The following CDH23 variants were observed in gnomAD, a reference collection of about 807,000 sequenced individuals.
CDH23 encodes cadherin-23.
Under a neutral mutation model 317.1 loss-of-function variants are expected in CDH23, and 189 were observed. The ratio of observed to expected loss-of-function variants is 0.60; its 90% CI spans 0.53 to 0.67. The LOEUF (loss-of-function observed/expected upper bound fraction) is 0.67. Ranked by LOEUF, CDH23 falls within the 30% of genes least tolerant of loss-of-function variation. The probability of loss-of-function intolerance (pLI) is 0.00; values close to 1 mark genes in which losing one functional copy is unlikely to be tolerated. For synonymous variants in CDH23, 1,839 were observed against 1,876.8 expected (o/e 0.98, Z 0.52); for missense variants, 4,401 against 4,592.4 (o/e 0.96, Z 1.20).
Position 71,803,349 on chromosome 10 carries a change from G to T in CDH23, c.7801G>T (p.Val2601Phe). Residue 2601 changes from valine (V) to phenylalanine (F), a missense_variant, in exon 55 of 70, where the codon GTC becomes TTC. This residue lies in a region of CDH23 where 1,144 missense variants were observed against 1,138.2 expected (regional missense o/e 1.01). Coordinates refer to ENST00000224721, the MANE Select transcript of CDH23 (RefSeq NM_022124.6). ...GGGCACCACCATGCTCCTGGTGGAGGTCATCGACGTCAATGACAACCGCCC... is the reference window on the plus strand; with the variant it reads ...GGGCACCACCATGCTCCTGGTGGAGTTCATCGACGTCAATGACAACCGCCC... The part of the protein sequence containing the change: ...LWGTTMLLVE[V>F]IDVNDNRPVF... 2 of 1,597,900 alleles carry T rather than the reference G, an allele frequency of 1.3e-6. No homozygotes were observed. Among genetic ancestry groups the T allele is most frequent in the Non-Finnish European group, 1.7e-6 (2 of 1,172,630 alleles).
At chr10:71,811,081 C>CA (rs35466313) in intron 62 of CDH23, among the ~76,000 whole-genome samples, 1,760 of 66,528 alleles carry the variant, frequency 0.026, 64 homozygotes, top group African/African-American at 0.069. Context: ...GACTCCATCT[C>CA]AAAAAAAAAA....
intron 20 of CDH23, among the ~76,000 whole-genome samples, chr10:71,693,539 A>G (rs1268402054): frequency 3.3e-5 from 5 of 152,256 alleles, no homozygotes; most frequent in Non-Finnish European, 7.3e-5. Context: ...TGAACTGTCC[A>G]GTAATGAGTC....
At chr10:71,604,316 TAA>T (rs1414804054) in intron 9 of CDH23, among the ~76,000 whole-genome samples, 1 of 152,084 alleles carries the variant, frequency 6.6e-6, no homozygotes. Context: ...TTTTAAAAGC[TAA>T]GAGTGGAATA....
chr10:71,540,122 A>C (rs920298104), intron 6 of CDH23, among the ~76,000 whole-genome samples: 2 of 152,192 alleles, frequency 1.3e-5, no homozygotes, highest in African/African-American at 4.8e-5. Context: ...GGCATAGGCC[A>C]TCTCAGATGT....
intron 3 of CDH23, among the ~76,000 whole-genome samples, chr10:71,475,889 T>A (rs1166429829): frequency 6.6e-6 from 1 of 152,010 alleles, no homozygotes; most frequent in Non-Finnish European, 1.5e-5. Context: ...GGGCCTGGGG[T>A]TATCTCTGGC....
At chr10:71,612,082 CATCTCACTGAGT>C (rs1860930470) in intron 9 of CDH23, among the ~76,000 whole-genome samples, 1 of 152,166 alleles carries the variant, frequency 6.6e-6, no homozygotes, top group Admixed American at 6.5e-5. Context: ...TCTTACCGAG[CATCTCACTGAGT>C]CAGTCCTCTC....
chr10:71,515,642 T>G (rs1854295902), intron 6 of CDH23, among the ~76,000 whole-genome samples: 2 of 152,170 alleles, frequency 1.3e-5, no homozygotes, highest in Non-Finnish European at 2.9e-5. Context: ...ATTTCCCAAC[T>G]GTGTGACTTT....
At chr10:71,533,253 T>G (rs1855503270) in intron 6 of CDH23, among the ~76,000 whole-genome samples, 1 of 151,794 alleles carries the variant, frequency 6.6e-6, no homozygotes, top group African/African-American at 2.4e-5. Context: ...TCAGTTGACT[T>G]TGAGTGTCAC....
In CDH23 at chr10:71,807,989, G is replaced by A. The variant is rs1220739673; in HGVS notation, c.8704G>A (p.Gly2902Ser). The change falls in exon 60 of 70, where the codon GGC becomes AGC. Residue 2902 changes from glycine to serine, a missense_variant. This residue lies in a region of CDH23 where 1,144 missense variants were observed against 1,138.2 expected (regional missense o/e 1.01). Coordinates refer to ENST00000224721, the MANE Select transcript of CDH23 (RefSeq NM_022124.6). ...RALANDSEDV[G>S]QVFTMGSMDG... ...CCTTGCCAACGACTCTGAAGATGTG[G>A]GCCAGGTCTTCACCATGGGTAGGGC... 1.9e-5 allele frequency: 30 copies of A among 1,591,112 alleles called. No homozygotes were observed. The East Asian group carries it at 5.7e-4, about 30-fold the overall frequency.
Position 71,598,512 on chromosome 10 carries a change from C to G in CDH23, c.833-16992C>G, listed in dbSNP as rs1860006681. ...GGGTATCCACTGCTTTGGAGCACTT[C>G]CCAGAGAGCCTGCCTTCCCTCCTGC... On this transcript the variant is annotated intron_variant, in intron 9 of 69. Transcript: ENST00000224721. Among the ~76,000 whole-genome samples, 7 of 152,294 alleles carry G rather than the reference C, an allele frequency of 4.6e-5. No homozygotes were observed. In the South Asian group the frequency reaches 1.5e-3, roughly 32 times the overall value.
At position 71,797,041 on chromosome 10, in the gene CDH23, CCTGGGAAGGGCAGATTTTAGGGGGTT is replaced by C. The variant is rs1481177830; in HGVS notation, c.6713-60_6713-35del. 4 of 1,081,844 alleles carry C rather than the reference CCTGGGAAGGGCAGATTTTAGGGGGTT, an allele frequency of 3.7e-6. No homozygotes were observed. The African/African-American group carries it at 6.2e-5, about 17-fold the overall frequency. 67.0% of individuals were successfully genotyped at this position (1,081,844 alleles called of 1,614,324 possible). On this transcript the variant is annotated intron_variant, in intron 48 of 69. Coordinates refer to ENST00000224721, the MANE Select transcript of CDH23 (RefSeq NM_022124.6). ...TTGGGAGGGTTTGGCCAGGAGCACC[CCTGGGAAGGGCAGATTTTAGGGGGTT>C]CTTCTCAGGCTGAACCTGGCCTGGT...
chr10:71,409,943 C>T (rs1213936586), intron 1 of CDH23, among the ~76,000 whole-genome samples: 1 of 152,192 alleles, frequency 6.6e-6, no homozygotes, highest in Non-Finnish European at 1.5e-5. Context: ...GTGGCCAGGG[C>T]TCTGAGCAGC....
intron 26 of CDH23, among the ~76,000 whole-genome samples, chr10:71,708,009 A>G (rs1477951888): frequency 2.0e-5 from 3 of 151,506 alleles, no homozygotes; most frequent in African/African-American, 7.3e-5. Context: ...CACTCCTTAC[A>G]GTCTGGCCCT....
Position 71,805,921 on chromosome 10 carries a change from T to C in CDH23, c.7988T>C (p.Phe2663Ser). The C allele has an allele frequency of 1.2e-6, 2 of 1,613,558 alleles. No individual in the cohort carries two copies. Among genetic ancestry groups the C allele is most frequent in the South Asian group, 2.2e-5 (2 of 90,966 alleles). The change falls in exon 56 of 70, where the codon TTC becomes TCC. Residue 2663 changes from phenylalanine (F) to serine (S), a missense_variant. Physicochemically the swap from Phe to Ser is radical, Grantham distance 155. Coordinates refer to ENST00000224721, the MANE Select transcript of CDH23 (RefSeq NM_022124.6). ...ACTGCGGGCAACCGGGACTGGGAGT[T>C]CTTCATCATCGACCCAATCAGCGGC... ...LKTAGNRDWE[F>S]FIIDPISGLI... is the part of the protein sequence containing the mutation.
chr10:71,689,122 C>T (rs71507050), intron 19 of CDH23, among the ~76,000 whole-genome samples: 111 of 26,236 alleles, frequency 4.2e-3, no homozygotes, highest in Middle Eastern at 0.023. Flanking sequence ...GGTGGTGGAG[C>T]CAGGGGTGGT....
intron 21 of CDH23, 91 bp downstream of exon 21, chr10:71,694,350 C>T (rs1265389315): frequency 1.0e-6 from 1 of 967,160 alleles, no homozygotes; most frequent in Non-Finnish European, 1.6e-6. Context: ...TGTCCTGAGC[C>T]AGTGTGAGGC....
At chr10:71,731,157 C>T (rs1041312365) in intron 31 of CDH23, among the ~76,000 whole-genome samples, 3 of 152,152 alleles carry the variant, frequency 2.0e-5, no homozygotes, top group South Asian at 4.1e-4. Flanking sequence ...GGAAGCATGC[C>T]GGGTCTCTGT....
At chr10:71,630,807 G>C (rs537779264) in intron 11 of CDH23, among the ~76,000 whole-genome samples, 1 of 152,304 alleles carries the variant, frequency 6.6e-6, no homozygotes, top group African/African-American at 2.4e-5. Context: ...CCGATCTCAA[G>C]CTACTGGCGT....
chr10:71,617,161 T>G (rs1861230254), intron 10 of CDH23, 44 bp from the exon 11 acceptor site: 2 of 1,579,546 alleles, frequency 1.3e-6, no homozygotes, highest in South Asian at 2.3e-5. Context: ...GCTGTTGCTG[T>G]GATTAGCTGC....
Sources: gnomAD v4.1 joint callset for allele counts (sites outside exome capture counted in the v4.1 genomes callset) on GRCh38, gnomAD v4.1.1 for gene constraint, gnomAD v4.1.1 regional missense constraint, MANE v1.5 for transcripts, NCBI Gene and HGNC (gene_info 2026-07-23, HGNC 2026-07-21) for gene names.